CLDN10: variants seen among roughly 807,000 people sequenced by gnomAD.
The protein encoded by CLDN10 is claudin 10.
In CLDN10, 15 loss-of-function variants were observed where a neutral mutation model predicts 22.9. The observed-to-expected ratio is 0.65, with a 90% confidence interval of 0.44 to 1.01. The LOEUF is 1.01. CLDN10 is among the 50% of genes least tolerant of loss of function. CLDN10 has a pLI of 0.00. For synonymous variants in CLDN10, 114 were observed against 111.4 expected (o/e 1.02, Z -0.15); for missense variants, 247 against 287.8 (o/e 0.86, Z 1.03).
At chr13:95,555,382 C>T (rs1051029838) in intron 1 of CLDN10, among the ~76,000 whole-genome samples, 5 of 152,164 alleles carry the variant, frequency 3.3e-5, no homozygotes, top group African/African-American at 4.8e-5. Context: ...CCCTTATTGC[C>T]GTGGTCAAAA....
intron 1 of CLDN10, among the ~76,000 whole-genome samples, chr13:95,486,069 G>A (rs1056686564): frequency 6.6e-6 from 1 of 152,188 alleles, no homozygotes; most frequent in African/African-American, 2.4e-5. Flanking sequence ...ACAGTGCATT[G>A]TGGGGCATGT....
chr13:95,559,891 G>A (rs1594612550), intron 1 of CLDN10, among the ~76,000 whole-genome samples: 3 of 152,252 alleles, frequency 2.0e-5, no homozygotes, highest in East Asian at 3.9e-4. Context: ...TGGTGAATAT[G>A]GAAATAACAC....
At chr13:95,491,836 A>T (rs972471143) in intron 1 of CLDN10, among the ~76,000 whole-genome samples, 5 of 152,050 alleles carry the variant, frequency 3.3e-5, no homozygotes, top group African/African-American at 1.2e-4. Flanking sequence ...TGTTGTTCAG[A>T]TTCTTTTGTC....
intron 1 of CLDN10, among the ~76,000 whole-genome samples, chr13:95,530,207 G>A (rs935688914): frequency 1.3e-5 from 2 of 152,136 alleles, no homozygotes; most frequent in African/African-American, 4.8e-5. Context: ...AGTTTCCACA[G>A]TGGACCATGA....
intron 1 of CLDN10, among the ~76,000 whole-genome samples, chr13:95,456,111 A>T (rs1351054512): frequency 6.6e-6 from 1 of 152,234 alleles, no homozygotes; most frequent in Non-Finnish European, 1.5e-5. Flanking sequence ...AAAAGCTGAA[A>T]GAGGCTTTTA....
chr13:95,452,702 A>G (rs2042443020), intron 1 of CLDN10, among the ~76,000 whole-genome samples: 1 of 152,192 alleles, frequency 6.6e-6, no homozygotes, highest in African/African-American at 2.4e-5. Flanking sequence ...ATGAGCCATA[A>G]CCTTCTCGAG....
intron 1 of CLDN10, among the ~76,000 whole-genome samples, chr13:95,499,462 A>T (rs1369818511): frequency 2.0e-5 from 3 of 152,188 alleles, no homozygotes; most frequent in African/African-American, 4.8e-5. Context: ...GAATCACTTG[A>T]ACCCGGGAGG....
intron 1 of CLDN10, among the ~76,000 whole-genome samples, chr13:95,529,054 G>T (rs1253860736): frequency 6.6e-6 from 1 of 151,838 alleles, no homozygotes; most frequent in Non-Finnish European, 1.5e-5. Flanking sequence ...TGTTGTTGTT[G>T]TTTTTAATGT....
At chr13:95,495,139 G>A (rs1051841820) in intron 1 of CLDN10, among the ~76,000 whole-genome samples, 1 of 151,462 alleles carries the variant, frequency 6.6e-6, no homozygotes, top group Non-Finnish European at 1.5e-5. Flanking sequence ...GAGTTCAAGC[G>A]ATGCTTCTGC....
intron 3 of CLDN10, among the ~76,000 whole-genome samples, chr13:95,565,434 A>G (rs2043773383): frequency 6.6e-6 from 1 of 152,162 alleles, no homozygotes; most frequent in Non-Finnish European, 1.5e-5. Context: ...ATTTACCGTT[A>G]ATATTTTGGC....
chr13:95,459,784 C>A (rs1318541836), intron 1 of CLDN10, among the ~76,000 whole-genome samples: 1 of 152,198 alleles, frequency 6.6e-6, no homozygotes. Context: ...ATTTTTCCAG[C>A]CTGCTTGAAT....
intron 1 of CLDN10, among the ~76,000 whole-genome samples, chr13:95,444,912 A>G (rs1452612657): frequency 3.9e-5 from 6 of 152,202 alleles, no homozygotes; most frequent in African/African-American, 1.4e-4. Context: ...CTCGTGCCTC[A>G]GCACAGATGT....
chr13:95,575,471 G>A (rs1255189500), intron 3 of CLDN10, among the ~76,000 whole-genome samples: 2 of 152,166 alleles, frequency 1.3e-5, no homozygotes, highest in African/African-American at 4.8e-5. Flanking sequence ...GCAGAAATCC[G>A]GGGCATCTTT....
At chr13:95,536,753 C>G (rs757045869) in intron 1 of CLDN10, among the ~76,000 whole-genome samples, 66 of 152,000 alleles carry the variant, frequency 4.3e-4, no homozygotes, top group African/African-American at 1.1e-3. Flanking sequence ...TCCTTTCCCA[C>G]GGTCCTTACA....
chr13:95,567,227 A>C (rs140518526), intron 3 of CLDN10, among the ~76,000 whole-genome samples: 1 of 152,076 alleles, frequency 6.6e-6, no homozygotes, highest in Non-Finnish European at 1.5e-5. Flanking sequence ...GGCCATTTTC[A>C]CGATATTGAT....
intron 1 of CLDN10, among the ~76,000 whole-genome samples, chr13:95,469,355 A>G (rs932786053): frequency 6.6e-6 from 1 of 152,198 alleles, no homozygotes; most frequent in Admixed American, 6.5e-5. Context: ...TATATTCCAT[A>G]TTTAACTTCA....
intron 1 of CLDN10, among the ~76,000 whole-genome samples, chr13:95,529,099 T>A (rs1301637771): frequency 6.6e-6 from 1 of 152,144 alleles, no homozygotes; most frequent in African/African-American, 2.4e-5. Flanking sequence ...TTGCTGCCCA[T>A]GTCTAGTATT....
intron 1 of CLDN10, among the ~76,000 whole-genome samples, chr13:95,544,730 A>G (rs1198201791): frequency 6.6e-6 from 1 of 152,082 alleles, no homozygotes; most frequent in Non-Finnish European, 1.5e-5. Flanking sequence ...TTTACTGGGG[A>G]GCATAAATAT....
intron 1 of CLDN10, among the ~76,000 whole-genome samples, chr13:95,536,879 G>GT (rs552755376): frequency 1.2e-3 from 181 of 152,280 alleles, no homozygotes; most frequent in African/African-American, 4.0e-3. Flanking sequence ...ATATAGTGCG[G>GT]TATTTTACAA....
Sources: gnomAD v4.1 joint callset for allele counts (sites outside exome capture counted in the v4.1 genomes callset) on GRCh38, gnomAD v4.1.1 for gene constraint, MANE v1.5 for transcripts, NCBI Gene and HGNC (gene_info 2026-07-23, HGNC 2026-07-21) for gene names.